The following ANO2 variants were observed in gnomAD, a reference collection of about 807,000 sequenced individuals.
The protein encoded by ANO2 is anoctamin 2.
ANO2 carries 101 observed loss-of-function variants against 124.2 expected under a neutral mutation model. The ratio of observed to expected loss-of-function variants is 0.81; its 90% CI spans 0.69 to 0.96. The LOEUF (loss-of-function observed/expected upper bound fraction) is 0.96, where lower values mean the gene tolerates loss of function less well. Among genes scored for constraint, ANO2 ranks in the 40% least tolerant of loss-of-function variants. The pLI, the probability that ANO2 is intolerant of heterozygous loss-of-function variation, is 0.00. For missense variants in ANO2, 1,293 were observed against 1,274.5 expected (o/e 1.01, Z -0.22); for synonymous variants, 486 against 482.5 (o/e 1.01, Z -0.09).
chr12:5,785,658 C>CACAT (rs1952519133), intron 10 of ANO2, among the ~76,000 whole-genome samples: 1 of 148,760 alleles, frequency 6.7e-6, no homozygotes, highest in African/African-American at 2.4e-5. Flanking sequence ...TCCTCTTGTA[C>CACAT]ACACACACAC....
intron 14 of ANO2, among the ~76,000 whole-genome samples, chr12:5,693,725 C>T (rs1277423108): frequency 6.6e-6 from 1 of 152,180 alleles, no homozygotes; most frequent in East Asian, 1.9e-4. Context: ...GGTCCGGCCA[C>T]ACTGACCTCT....
chr12:5,634,538 A>G (rs982448920), intron 16 of ANO2, among the ~76,000 whole-genome samples: 4 of 152,188 alleles, frequency 2.6e-5, no homozygotes, highest in African/African-American at 9.6e-5. Flanking sequence ...CCAAATGCCA[A>G]GATGTGGTGC....
intron 23 of ANO2, among the ~76,000 whole-genome samples, chr12:5,572,267 G>C (rs1942170441): frequency 6.6e-6 from 1 of 152,046 alleles, no homozygotes; most frequent in South Asian, 2.1e-4. Flanking sequence ...CTGGAATACA[G>C]TGTTCTCTCG....
intron 10 of ANO2, among the ~76,000 whole-genome samples, chr12:5,773,179 CCTT>C: frequency 1.3e-5 from 2 of 152,364 alleles, no homozygotes; most frequent in East Asian, 1.9e-4. Flanking sequence ...TGTAGTCACT[CCTT>C]CTCTTGTCCC....
rs975074003 is a variant in ANO2, at chr12:5,904,193, TG to T, written c.534+16846del. 5.9e-5 allele frequency among the ~76,000 whole-genome samples: 9 copies of T among 152,226 alleles called. No individual in the cohort carries two copies. The highest frequency in any genetic ancestry group is 2.2e-4 in the African/African-American group (9 of 41,460). On this transcript the variant is annotated intron_variant, in intron 3 of 24. Coordinates refer to ENST00000682330, the MANE Select transcript of ANO2 (RefSeq NM_001364791.2). This position sits in a 1 kb window ranked among gnomAD's most constrained non-coding sequence, Gnocchi z 4.1. ...ATTAGTCTCCAATGTAAGCAGCTTA[TG>T]GAAGCTGTAGTAAAGAAGGGGGGAC...
intron 4 of ANO2, among the ~76,000 whole-genome samples, chr12:5,848,239 G>A (rs1954747964): frequency 6.6e-6 from 1 of 152,136 alleles, no homozygotes; most frequent in African/African-American, 2.4e-5. Flanking sequence ...AGACGACTGT[G>A]AGCCACAGTC....
chr12:5,748,924 T>C (rs888152049), intron 11 of ANO2, among the ~76,000 whole-genome samples: 3 of 151,860 alleles, frequency 2.0e-5, no homozygotes, highest in African/African-American at 7.3e-5. Context: ...ACTAGAGTTT[T>C]ATACCAAAAA....
At chr12:5,848,187 G>T (rs1954745293) in intron 4 of ANO2, among the ~76,000 whole-genome samples, 1 of 152,130 alleles carries the variant, frequency 6.6e-6, no homozygotes, top group South Asian at 2.1e-4. Context: ...TTTACAACAG[G>T]AAAAATTTGC....
At chr12:5,725,097 TCACACACA>T (rs35973206) in intron 14 of ANO2, among the ~76,000 whole-genome samples, 24 of 143,480 alleles carry the variant, frequency 1.7e-4, no homozygotes, top group South Asian at 9.0e-4. Context: ...TGTCTCCCTC[TCACACACA>T]CACACACACA....
intron 15 of ANO2, among the ~76,000 whole-genome samples, chr12:5,639,035 T>C (rs1174754844): frequency 6.6e-6 from 1 of 152,112 alleles, no homozygotes; most frequent in African/African-American, 2.4e-5. Flanking sequence ...GTTCACGAGC[T>C]TCTGGTATGC....
Position 5,642,359 on chromosome 12 carries a change from T to C in ANO2, c.1620+5368A>G, listed in dbSNP as rs1249161399. On this transcript the variant is annotated intron_variant, in intron 15 of 24. Transcript: ENST00000682330. ...GTCTTCCCTGAACTCCAGACTCATA[T>C]GCATCAGGAGGGCAACTGAGTTAAG... 2.0e-5 allele frequency among the ~76,000 whole-genome samples: 3 copies of C among 152,312 alleles called. No homozygotes were observed. The East Asian group carries it at 5.8e-4, about 29-fold the overall frequency.
chr12:5,872,594 C>T (rs185097679), intron 3 of ANO2, among the ~76,000 whole-genome samples: 4 of 152,106 alleles, frequency 2.6e-5, no homozygotes, highest in African/African-American at 7.2e-5. Flanking sequence ...CTCAGTTCTA[C>T]GTTTTAGAAG....
At chr12:5,611,634 A>C (rs1944552458) in intron 19 of ANO2, among the ~76,000 whole-genome samples, 1 of 152,212 alleles carries the variant, frequency 6.6e-6, no homozygotes, top group South Asian at 2.1e-4. Flanking sequence ...AGCCACCCTG[A>C]ATTCCAACTG....
intron 3 of ANO2, among the ~76,000 whole-genome samples, chr12:5,883,746 T>C (rs1042607294): frequency 6.6e-6 from 1 of 152,196 alleles, no homozygotes; most frequent in Non-Finnish European, 1.5e-5. Flanking sequence ...TCCCCATCTA[T>C]GAAATGAGGA....
intron 15 of ANO2, among the ~76,000 whole-genome samples, chr12:5,646,383 G>A: frequency 6.6e-6 from 1 of 152,232 alleles, no homozygotes; most frequent in East Asian, 1.9e-4. Context: ...AGCAAAATGG[G>A]ATGTTACAAA....
intron 3 of ANO2, among the ~76,000 whole-genome samples, chr12:5,864,692 G>A (rs1286861557): frequency 1.3e-5 from 2 of 152,150 alleles, no homozygotes; most frequent in Non-Finnish European, 2.9e-5. Flanking sequence ...TGATCAGTAG[G>A]TCCTGGCTGG....
intron 3 of ANO2, among the ~76,000 whole-genome samples, chr12:5,912,657 C>G (rs955555467): frequency 6.6e-6 from 1 of 152,154 alleles, no homozygotes; most frequent in African/African-American, 2.4e-5. Context: ...CCTGTCTCAG[C>G]TGTGCGGTCC....
At position 5,904,082 on chromosome 12, in the gene ANO2, T is replaced by C. The variant is rs1026783121; in HGVS notation, c.534+16958A>G. ...CTCCCCAAATGTGCCCACCACATGATCATCCCCTCTTTCTTCATCCCAGAG... is the reference window on the plus strand; with the variant it reads ...CTCCCCAAATGTGCCCACCACATGACCATCCCCTCTTTCTTCATCCCAGAG... On this transcript the variant is annotated intron_variant, in intron 3 of 24. Coordinates refer to ENST00000682330, the MANE Select transcript of ANO2 (RefSeq NM_001364791.2). This position sits in a 1 kb window ranked among gnomAD's most constrained non-coding sequence, Gnocchi z 4.1. Among the ~76,000 whole-genome samples the C allele has an allele frequency of 4.6e-5, 7 of 152,164 alleles. No homozygotes were observed. Among genetic ancestry groups the C allele is most frequent in the African/African-American group, 1.7e-4 (7 of 41,442 alleles).
intron 14 of ANO2, among the ~76,000 whole-genome samples, chr12:5,722,235 G>A (rs1433048818): frequency 3.3e-5 from 5 of 152,132 alleles, no homozygotes; most frequent in Admixed American, 1.3e-4. Context: ...GGCCGGGCAC[G>A]GGGGCTCACG....
Sources: allele counts gnomAD v4.1 joint callset (sites outside exome capture counted in the v4.1 genomes callset), GRCh38; gene constraint gnomAD v4.1.1; non-coding constraint Gnocchi (gnomAD v3.1); transcripts MANE v1.5; gene names NCBI Gene and HGNC (gene_info 2026-07-23, HGNC 2026-07-21).